BTBD7: variants seen among roughly 807,000 people sequenced by gnomAD.
The protein encoded by BTBD7 is BTB domain containing 7.
Under a neutral mutation model 99.9 loss-of-function variants are expected in BTBD7, and 38 were observed. The observed-to-expected ratio is 0.38, with a 90% CI of 0.29 to 0.50. The LOEUF is 0.50. BTBD7 is among the 20% of genes least tolerant of loss of function. BTBD7 has a pLI of 0.93. For synonymous variants in BTBD7, 520 were observed against 511.4 expected (o/e 1.02, Z -0.23); for missense variants, 1,170 against 1,394.6 (o/e 0.84, Z 2.57).
intron 1 of BTBD7, among the ~76,000 whole-genome samples, chr14:93,312,467 T>C (rs913037456): frequency 1.3e-5 from 2 of 152,212 alleles, no homozygotes; most frequent in African/African-American, 4.8e-5. Flanking sequence ...ATAATATGGT[T>C]ATAGTAAACA....
At position 93,248,668 on chromosome 14, in the gene BTBD7, A is replaced by G; in HGVS notation, c.1943-14T>C. The G allele has an allele frequency of 6.3e-7, 1 of 1,578,258 alleles. No individual in the cohort carries two copies. The highest frequency in any genetic ancestry group is 8.6e-7 in the Non-Finnish European group (1 of 1,163,178). On this transcript the variant is annotated splice_polypyrimidine_tract_variant and intron_variant, in intron 8 of 10. Transcript: ENST00000334746. ...GGAGACGAGGAACTGGAAGGAGAAC[A>G]ACAGTGGGCAAGCAAAATTCCTGAG...
At chr14:93,293,009 T>C (rs1470302251) in intron 3 of BTBD7, among the ~76,000 whole-genome samples, 2 of 152,334 alleles carry the variant, frequency 1.3e-5, no homozygotes, top group East Asian at 3.9e-4. Context: ...TTAGCTAATA[T>C]GCATTAGCTA....
At chr14:93,296,331 C>T (rs1316833907) in intron 1 of BTBD7, among the ~76,000 whole-genome samples, 174 bp from the exon 2 acceptor site, 7 of 152,026 alleles carry the variant, frequency 4.6e-5, no homozygotes, top group Non-Finnish European at 1.0e-4. Context: ...TCTGTGTTAG[C>T]TGCAATTTGA....
At chr14:93,301,897 C>T (rs1002014645) in intron 1 of BTBD7, among the ~76,000 whole-genome samples, 9 of 152,110 alleles carry the variant, frequency 5.9e-5, no homozygotes, top group South Asian at 2.1e-4. Flanking sequence ...TGTGCTAGAG[C>T]GCAAGGGAGA....
At position 93,243,023 on chromosome 14, in the gene BTBD7, G is replaced by C; in HGVS notation, c.2649C>G (p.Leu883=). The change falls in exon 11 of 11, where the codon CTC becomes CTG. Residue 883 remains leucine, a synonymous_variant. Coordinates refer to ENST00000334746, the MANE Select transcript of BTBD7 (RefSeq NM_001002860.4). ...DIAVGVSTLS[L]KDRRLPELAV... The stretch of plus-strand genomic sequence containing the variant: ...CAAGCTCTGGAAGCCTCCTGTCCTT[G>C]AGTGACAGTGTGGACACACCCACCG... 1 of 1,614,048 alleles carries C rather than the reference G, an allele frequency of 6.2e-7. No individual in the cohort carries two copies. The highest frequency in any genetic ancestry group is 8.5e-7 in the Non-Finnish European group (1 of 1,180,024).
intron 1 of BTBD7, among the ~76,000 whole-genome samples, chr14:93,315,678 TTC>T (rs1156652483): frequency 1.3e-5 from 2 of 152,234 alleles, no homozygotes; most frequent in Non-Finnish European, 2.9e-5. Context: ...TGTGACTGGC[TTC>T]TTTCACTTTA....
At chr14:93,309,606 T>C (rs1440793555) in intron 1 of BTBD7, among the ~76,000 whole-genome samples, 1 of 152,056 alleles carries the variant, frequency 6.6e-6, no homozygotes, top group Non-Finnish European at 1.5e-5. Flanking sequence ...TCCACTGTGC[T>C]GCTGTTTCTA....
At chr14:93,274,761 C>G (rs959182897) in intron 3 of BTBD7, among the ~76,000 whole-genome samples, 2 of 152,136 alleles carry the variant, frequency 1.3e-5, no homozygotes, top group African/African-American at 2.4e-5. Flanking sequence ...GGAACCCAGG[C>G]TAAGAAAGAG....
intron 3 of BTBD7, among the ~76,000 whole-genome samples, chr14:93,291,638 G>C (rs2052856570): frequency 6.6e-6 from 1 of 151,706 alleles, no homozygotes; most frequent in Non-Finnish European, 1.5e-5. Flanking sequence ...GTAACAAAGG[G>C]AAAAAGAAGA....
rs777385863 is a variant in BTBD7 at position 93,294,272 on chromosome 14, C to T, written c.748G>A (p.Val250Ile). The change falls in exon 3 of 11, where the codon GTC (valine) becomes ATC (isoleucine). Residue 250 changes from valine (V) to isoleucine (I), a missense_variant. Val to Ile is a conservative substitution (Grantham distance 29, BLOSUM62 3). Around this residue, in one of 4 missense-constraint regions of BTBD7, gnomAD observed 359 missense variants for 497.9 expected, o/e 0.72. Coordinates refer to ENST00000334746, the MANE Select transcript of BTBD7 (RefSeq NM_001002860.4). Reference sequence around the variant, plus strand: ...TCAGAGTCTGAAGAAAAACTAAGGACGACATCATAATAACACATGTAATCA... The same window carrying T: ...TCAGAGTCTGAAGAAAAACTAAGGATGACATCATAATAACACATGTAATCA... The part of the protein sequence containing the change: ...LFDYMCYYDV[V>I]LSFSSDSELV... The T allele has an allele frequency of 3.2e-5, 51 of 1,613,802 alleles. No individual in the cohort carries two copies. Among genetic ancestry groups the T allele is most frequent in the Admixed American group, 5.0e-5 (3 of 59,940 alleles).
chr14:93,288,555 C>T, intron 3 of BTBD7: 1 of 805,798 alleles, frequency 1.2e-6, no homozygotes. Context: ...TCCTCCAGGA[C>T]TTTGTTCTTT....
chr14:93,293,850 C>G lies in BTBD7; in HGVS notation c.1162+8G>C. ...TATAAATCAGAATTAAAAACCAGAA[C>G]TTCATACCTTGTGCAAGCATGTTAA... On this transcript the variant is annotated splice_region_variant and intron_variant, in intron 3 of 10. Transcript: ENST00000334746. 1 of 1,597,042 alleles carries G rather than the reference C, an allele frequency of 6.3e-7. No individual in the cohort carries two copies.
chr14:93,290,386 G>T (rs1488181041), intron 3 of BTBD7, among the ~76,000 whole-genome samples: 3 of 146,492 alleles, frequency 2.0e-5, no homozygotes, highest in African/African-American at 5.1e-5. Context: ...CTAATTTATT[G>T]TATTTTTAGT....
intron 7 of BTBD7, among the ~76,000 whole-genome samples, chr14:93,253,089 G>A (rs1019060989): frequency 6.6e-6 from 1 of 152,122 alleles, no homozygotes; most frequent in Non-Finnish European, 1.5e-5. Flanking sequence ...AAAATTAGAT[G>A]TTTCATTTTC....
intron 1 of BTBD7, among the ~76,000 whole-genome samples, chr14:93,332,619 G>A (rs1034162893): frequency 6.6e-5 from 10 of 151,714 alleles, no homozygotes; most frequent in South Asian, 6.2e-4. Flanking sequence ...ACAGAGACCG[G>A]CCAGTCCGGC....
At position 93,246,060 on chromosome 14, in the gene BTBD7, C is replaced by A; in HGVS notation, c.2348G>T (p.Arg783Ile). 6.2e-7 allele frequency: 1 copy of A among 1,605,982 alleles called. No homozygotes were observed. Among genetic ancestry groups the A allele is most frequent in the Non-Finnish European group, 8.5e-7 (1 of 1,176,444 alleles). ...ACGTGAAGGGTGCTGACTGGGAGGT[C>A]TTTGCTTCCAGCCTGCTTTGAGTTG... is the stretch of plus-strand genomic sequence containing the variant. ...HNQLKAGWKQ[R>I]PPSQHPSRSF... Residue 783 changes from arginine to isoleucine, a missense_variant, in exon 10 of 11, where the codon AGA becomes ATA. By Grantham distance (97) the Arg-to-Ile change is moderately conservative. Transcript: ENST00000334746.
At chr14:93,288,576 C>T (rs752027190) in intron 3 of BTBD7, 8 of 860,740 alleles carry the variant, frequency 9.3e-6, no homozygotes, top group South Asian at 9.2e-5. Context: ...TTGCTCTGAT[C>T]TCTGTCTCAA....
At chr14:93,300,054 T>C (rs988407478) in intron 1 of BTBD7, among the ~76,000 whole-genome samples, 2 of 152,166 alleles carry the variant, frequency 1.3e-5, no homozygotes, top group Non-Finnish European at 2.9e-5. Flanking sequence ...GAAAGAACTG[T>C]GGGAGTTAAG....
intron 10 of BTBD7, among the ~76,000 whole-genome samples, chr14:93,245,032 T>C (rs1269492029): frequency 6.6e-6 from 1 of 151,842 alleles, no homozygotes; most frequent in Non-Finnish European, 1.5e-5. Context: ...GCTAATTCAT[T>C]TGTTTATTTG....
Sources: allele counts gnomAD v4.1 joint callset (sites outside exome capture counted in the v4.1 genomes callset), GRCh38; gene constraint gnomAD v4.1.1; regional missense constraint gnomAD v4.1.1; transcripts MANE v1.5; gene names NCBI Gene and HGNC (gene_info 2026-07-23, HGNC 2026-07-21).